The following ROBO1 variants were observed in gnomAD, a reference collection of about 807,000 sequenced individuals.
ROBO1 encodes roundabout homolog 1.
ROBO1 carries 149 observed loss-of-function variants against 195.9 expected under a neutral mutation model. The observed-to-expected ratio is 0.76, with a 90% CI of 0.67 to 0.87. ROBO1 has a LOEUF of 0.87. Among genes scored for constraint, ROBO1 ranks in the 40% least tolerant of loss-of-function variants. ROBO1 has a pLI of 0.00. For synonymous variants in ROBO1, 816 were observed against 733.2 expected (o/e 1.11, Z -1.82); for missense variants, 1,933 against 2,068.3 (o/e 0.93, Z 1.27).
At chr3:79,026,380 G>T (rs2078203713) in intron 3 of ROBO1, among the ~76,000 whole-genome samples, 1 of 152,068 alleles carries the variant, frequency 6.6e-6, no homozygotes, top group Admixed American at 6.5e-5. Flanking sequence ...TCTAGCTGAA[G>T]AAAGCTATCA....
intron 2 of ROBO1, among the ~76,000 whole-genome samples, chr3:79,174,431 C>A (rs1445514350): frequency 6.6e-6 from 1 of 152,078 alleles, no homozygotes; most frequent in Non-Finnish European, 1.5e-5. Flanking sequence ...AAAGAACAAA[C>A]TCCGGACATG....
chr3:79,506,823 C>T (rs1467613833), intron 2 of ROBO1, among the ~76,000 whole-genome samples: 1 of 152,174 alleles, frequency 6.6e-6, no homozygotes, highest in Non-Finnish European at 1.5e-5. Flanking sequence ...AGCATATGTG[C>T]AACTTACATA....
intron 4 of ROBO1, among the ~76,000 whole-genome samples, chr3:78,848,754 T>G (rs900280839): frequency 6.6e-6 from 1 of 152,168 alleles, no homozygotes; most frequent in Non-Finnish European, 1.5e-5. Flanking sequence ...TGAGACTTTA[T>G]CTTAAAGTCT....
intron 1 of ROBO1, among the ~76,000 whole-genome samples, chr3:79,696,115 G>A (rs189365019): frequency 6.6e-6 from 1 of 151,358 alleles, no homozygotes; most frequent in African/African-American, 2.4e-5. Flanking sequence ...TTATGTTTGT[G>A]GGATATATTG....
rs181382051 is a variant in ROBO1, at chr3:79,250,176, T to C, written c.89-124637A>G. ...TGTCAATCTCATATTCAAATAGTTT[T>C]TGAGCTTTGAATGCACACATGCACT... On this transcript the variant is annotated intron_variant, in intron 2 of 30. Coordinates refer to ENST00000464233, the MANE Select transcript of ROBO1 (RefSeq NM_002941.4). 4.4e-3 allele frequency among the ~76,000 whole-genome samples: 675 copies of C among 152,308 alleles called. 10 individuals carry two copies. The highest frequency in any genetic ancestry group is 0.015 in the African/African-American group (639 of 41,572).
chr3:79,390,308 A>G (rs1559865207), intron 2 of ROBO1, among the ~76,000 whole-genome samples: 1 of 151,220 alleles, frequency 6.6e-6, no homozygotes, highest in Non-Finnish European at 1.5e-5. Flanking sequence ...ACAAAGGAGG[A>G]AAAAAAAATC....
rs1208471722 is a variant in ROBO1 at position 79,329,503 on chromosome 3, T to C, written c.89-203964A>G. On this transcript the variant is annotated intron_variant, in intron 2 of 30. Transcript: ENST00000464233. ...GAAATTAATTTGTTTTCTTATAAAA[T>C]AGAAATAATGACTTCTTGTTTTTCA... is the stretch of plus-strand genomic sequence containing the variant. Among the ~76,000 whole-genome samples the C allele has an allele frequency of 7.9e-5, 12 of 152,186 alleles. No individual in the cohort carries two copies. In the East Asian group the frequency reaches 2.1e-3, roughly 27 times the overall value.
intron 1 of ROBO1, among the ~76,000 whole-genome samples, chr3:79,614,261 A>T (rs954487969): frequency 6.6e-6 from 1 of 152,136 alleles, no homozygotes; most frequent in Non-Finnish European, 1.5e-5. Flanking sequence ...AGAAAATAAA[A>T]CTCAAACTTA....
chr3:79,607,852 G>C (rs998292027), intron 1 of ROBO1, among the ~76,000 whole-genome samples: 4 of 151,970 alleles, frequency 2.6e-5, no homozygotes, highest in Admixed American at 2.6e-4. Context: ...AATTGAATAT[G>C]ATATTTTACA....
chr3:79,291,548 T>G (rs779570273), intron 2 of ROBO1, among the ~76,000 whole-genome samples: 7 of 152,190 alleles, frequency 4.6e-5, no homozygotes, highest in Non-Finnish European at 8.8e-5. Context: ...ATATGGTAAT[T>G]TTTCAATTAT....
intron 2 of ROBO1, among the ~76,000 whole-genome samples, chr3:79,291,597 C>T (rs1029076761): frequency 2.0e-5 from 3 of 152,136 alleles, no homozygotes; most frequent in Non-Finnish European, 2.9e-5. Flanking sequence ...CCCAGTGGAG[C>T]GTGAGATTTC....
At chr3:79,641,086 T>C (rs1345924974) in intron 1 of ROBO1, among the ~76,000 whole-genome samples, 1 of 152,114 alleles carries the variant, frequency 6.6e-6, no homozygotes, top group East Asian at 1.9e-4. Flanking sequence ...TTAAGGAAAT[T>C]AAGGAACAAA....
chr3:78,678,143 C>A (rs193272294), intron 10 of ROBO1, among the ~76,000 whole-genome samples: 4,374 of 152,108 alleles, frequency 0.029, 79 homozygotes, highest in East Asian at 0.062. Context: ...AAAGACACAA[C>A]ATACCAGAAT....
intron 4 of ROBO1, among the ~76,000 whole-genome samples, chr3:78,821,469 T>C (rs374084201): frequency 3.4e-4 from 52 of 152,232 alleles, no homozygotes; most frequent in African/African-American, 1.2e-3. Flanking sequence ...CAGCCGATAC[T>C]GATGTTTTAT....
chr3:78,781,178 A>G (rs538084400), intron 4 of ROBO1, among the ~76,000 whole-genome samples: 3 of 152,296 alleles, frequency 2.0e-5, no homozygotes, highest in East Asian at 1.9e-4. Flanking sequence ...ATTAGTATAT[A>G]TAAGTAAGCC....
chr3:78,865,472 C>CTTT (rs549086224), intron 4 of ROBO1, among the ~76,000 whole-genome samples: 6 of 126,896 alleles, frequency 4.7e-5, no homozygotes, highest in African/African-American at 1.8e-4. Flanking sequence ...TTGATGAACG[C>CTTT]TTTTTTTTTT....
At chr3:78,692,811 A>G (rs2081204465) in intron 8 of ROBO1, 1 of 152,174 alleles carries the variant, frequency 6.6e-6, no homozygotes, top group Admixed American at 6.6e-5. Context: ...TCCTGGGATT[A>G]TTTCCTACAC....
chr3:78,962,513 C>G (rs112196116), intron 3 of ROBO1, among the ~76,000 whole-genome samples: 1 of 151,536 alleles, frequency 6.6e-6, no homozygotes, highest in South Asian at 2.1e-4. Context: ...AGAGAACACT[C>G]CTCCGCCTTG....
rs2078020225 is a variant in ROBO1, at chr3:79,018,696, C to T, written c.173-79769G>A. 27 of 1,350,206 alleles carry T rather than the reference C, an allele frequency of 2.0e-5. No homozygotes were observed. The South Asian group carries it at 3.5e-4, about 18-fold the overall frequency. 83.6% of individuals were successfully genotyped at this position (1,350,206 alleles called of 1,614,324 possible). A position where few individuals can be genotyped will look rare whatever the true frequency, so the allele number is the denominator to read the frequency against. ...TTTGTCTTCTCCGGCCCCAGGATTT[C>T]CGAGGAGGCTCAGACACTTTCAAGA... On this transcript the variant is annotated intron_variant, in intron 3 of 30. Coordinates refer to ENST00000464233, the MANE Select transcript of ROBO1 (RefSeq NM_002941.4).
Sources: allele counts gnomAD v4.1 joint callset (sites outside exome capture counted in the v4.1 genomes callset), GRCh38; gene constraint gnomAD v4.1.1; transcripts MANE v1.5; gene names NCBI Gene and HGNC (gene_info 2026-07-23, HGNC 2026-07-21).